The following DNAH12 variants were observed in gnomAD, a reference collection of about 807,000 sequenced individuals.
The protein encoded by DNAH12 is dynein axonemal heavy chain 12.
Under a neutral mutation model 371.5 loss-of-function variants are expected in DNAH12, and 285 were observed. The observed-to-expected ratio is 0.77, with a 90% CI of 0.70 to 0.85. DNAH12 has a LOEUF of 0.85. DNAH12 is among the 40% of genes least tolerant of loss of function. DNAH12 has a pLI of 0.00. For synonymous variants in DNAH12, 1,200 were observed against 1,213.0 expected (o/e 0.99, Z 0.22); for missense variants, 3,611 against 3,689.4 (o/e 0.98, Z 0.55).
Position 57,429,734 on chromosome 3 carries a change from TG to T in DNAH12, c.5020del (p.Gln1674LysfsTer2), listed in dbSNP as rs1194953257. 1 of 1,534,078 alleles carries T rather than the reference TG, an allele frequency of 6.5e-7. No individual in the cohort carries two copies. Among genetic ancestry groups the T allele is most frequent in the Non-Finnish European group, 8.8e-7 (1 of 1,140,982 alleles). On this transcript the variant is annotated frameshift_variant, in exon 33 of 74. Coordinates refer to ENST00000495027, the MANE Select transcript of DNAH12 (RefSeq NM_001366028.2). LOFTEE classifies it high-confidence loss of function. ...MSGEIIQMSP[Q>X]MSLIFETMDL... ...CATTGTTTCAAAGATGAGGCTCATT[TG>T]GGGGGACATCTGAATGATTTCTCCA... is the stretch of plus-strand genomic sequence containing the variant.
Position 57,405,634 on chromosome 3 carries a change from T to C in DNAH12, c.6576+19A>G. 1.3e-6 allele frequency: 2 copies of C among 1,545,310 alleles called. No individual in the cohort carries two copies. The highest frequency in any genetic ancestry group is 1.7e-6 in the Non-Finnish European group (2 of 1,143,226). On this transcript the variant is annotated intron_variant, in intron 41 of 73. Transcript: ENST00000495027. ...ATGGTACTGCTTTAACTCAATATGT[T>C]CTTAATCGCCATACTCACTGGTGCA...
At chr3:57,356,118 G>A (rs2062791095) in intron 59 of DNAH12, among the ~76,000 whole-genome samples, 2 of 152,128 alleles carry the variant, frequency 1.3e-5, no homozygotes, top group African/African-American at 2.4e-5. Context: ...CATTCATTAA[G>A]TGATTAAAGT....
chr3:57,478,621 G>C (rs537872813), intron 13 of DNAH12, among the ~76,000 whole-genome samples: 24 of 152,156 alleles, frequency 1.6e-4, no homozygotes, highest in African/African-American at 4.8e-4. Flanking sequence ...AAACGTAATT[G>C]TCAGATTCAC....
intron 37 of DNAH12, among the ~76,000 whole-genome samples, chr3:57,417,881 T>C (rs953409546): frequency 2.0e-5 from 3 of 152,194 alleles, no homozygotes; most frequent in Non-Finnish European, 2.9e-5. Flanking sequence ...CTGGGCACGG[T>C]GGCTCAAGCC....
chr3:57,352,090 A>C lies in DNAH12; in HGVS notation c.9669T>G (p.Leu3223=), dbSNP rs782247814. 1.3e-6 allele frequency: 2 copies of C among 1,507,060 alleles called. No individual in the cohort carries two copies. Among genetic ancestry groups the C allele is most frequent in the Non-Finnish European group, 1.8e-6 (2 of 1,134,988 alleles). The allele number at this position is 1,507,060 out of a possible 1,614,324, so 93.4% of individuals were successfully genotyped here. The change falls in exon 60 of 74, where the codon CTT becomes CTG. Residue 3223 remains leucine (L), a synonymous_variant. Transcript: ENST00000495027. ...GGTAAAAGCAAGTAACTTACAGAAG[A>C]AGATTGGCACATAATAAAAAGGAAA... ...LLFSFLLCAN[L]LLARKEIEYQ... is the part of the protein sequence containing the mutation.
chr3:57,535,938 G>A (rs1436919136), intron 2 of DNAH12, among the ~76,000 whole-genome samples: 1 of 151,582 alleles, frequency 6.6e-6, no homozygotes, highest in African/African-American at 2.4e-5. Flanking sequence ...CCGGGTTCAA[G>A]TGATTCTCCT....
At chr3:57,300,520 G>T (rs555341074) in intron 70 of DNAH12, among the ~76,000 whole-genome samples, 22 of 151,702 alleles carry the variant, frequency 1.5e-4, no homozygotes, top group Non-Finnish European at 2.8e-4. Context: ...GATATGAATT[G>T]ACAGTACACA....
At chr3:57,401,178 AAAAC>A (rs1307802836) in intron 43 of DNAH12, among the ~76,000 whole-genome samples, 25 of 152,246 alleles carry the variant, frequency 1.6e-4, no homozygotes, top group Middle Eastern at 3.4e-3. Flanking sequence ...AATTAAAACA[AAAAC>A]AAACAAACCA....
intron 61 of DNAH12, 60 bp downstream of exon 61, chr3:57,334,722 A>G (rs2062183860): frequency 6.6e-7 from 1 of 1,511,090 alleles, no homozygotes; most frequent in African/African-American, 1.4e-5. Flanking sequence ...AAATCACTAA[A>G]TTGAAGAACA....
chr3:57,294,008 G>C, intron 73 of DNAH12, 37 bp from the exon 74 acceptor site: 2 of 1,406,256 alleles, frequency 1.4e-6, no homozygotes, highest in South Asian at 1.7e-5. Context: ...ACTTGATAAA[G>C]GGAAAAACAG....
chr3:57,504,344 T>C (rs1383365171), intron 8 of DNAH12, 140 bp from the exon 9 acceptor site: 3 of 730,250 alleles, frequency 4.1e-6, no homozygotes, highest in East Asian at 5.5e-5. Context: ...AATTGAAAAT[T>C]ATCTTCATTC....
At chr3:57,444,995 A>G (rs1029292392) in intron 28 of DNAH12, among the ~76,000 whole-genome samples, 179 bp from the exon 29 acceptor site, 1 of 151,416 alleles carries the variant, frequency 6.6e-6, no homozygotes, top group African/African-American at 2.4e-5. Context: ...TTATCAAACT[A>G]AAAAGTCTTT....
At chr3:57,398,528 G>A (rs1253492094) in intron 43 of DNAH12, among the ~76,000 whole-genome samples, 1 of 152,122 alleles carries the variant, frequency 6.6e-6, no homozygotes, top group East Asian at 1.9e-4. Flanking sequence ...CAGATACAAA[G>A]AGAAAATCCT....
At chr3:57,313,469 A>T (rs62252049) in intron 66 of DNAH12, among the ~76,000 whole-genome samples, 35,132 of 152,030 alleles carry the variant, frequency 0.23, 4,353 homozygotes, top group African/African-American at 0.28. Context: ...CTGAACAACA[A>T]GGTAAAACCC....
chr3:57,330,555 G>C (rs2062070087), intron 62 of DNAH12, among the ~76,000 whole-genome samples: 1 of 122,152 alleles, frequency 8.2e-6, no homozygotes, highest in Non-Finnish European at 1.6e-5. Context: ...ACACTCTGGG[G>C]ACTGTTGTGG....
At position 57,376,206 on chromosome 3, in the gene DNAH12, G is replaced by A. The variant is rs1048977324; in HGVS notation, c.8466-241C>T. 4.0e-5 allele frequency among the ~76,000 whole-genome samples: 6 copies of A among 151,370 alleles called. No homozygotes were observed. The East Asian group carries it at 1.2e-3, about 29-fold the overall frequency. On this transcript the variant is annotated intron_variant, in intron 53 of 73. Coordinates refer to ENST00000495027, the MANE Select transcript of DNAH12 (RefSeq NM_001366028.2). ...ATATTAGACATTTCTTGCAGGACTT[G>A]GCCCTTCAGAAAAAGAAAAAAAAAA...
chr3:57,379,842 C>CAAAAAAAA (rs1170490495), intron 51 of DNAH12, among the ~76,000 whole-genome samples: 10 of 22,366 alleles, frequency 4.5e-4, no homozygotes, highest in East Asian at 1.5e-3. Flanking sequence ...CTCTGTCTCC[C>CAAAAAAAA]AAAAAAAAAA....
chr3:57,426,704 G>C (rs2064779893), intron 34 of DNAH12, among the ~76,000 whole-genome samples: 1 of 151,686 alleles, frequency 6.6e-6, no homozygotes, highest in Non-Finnish European at 1.5e-5. Context: ...AGGTGTTGTG[G>C]TGCACGCCTG....
At chr3:57,473,639 A>T (rs764416123) in intron 13 of DNAH12, among the ~76,000 whole-genome samples, 14 of 151,544 alleles carry the variant, frequency 9.2e-5, no homozygotes, top group South Asian at 2.1e-4. Flanking sequence ...TGAAATACAG[A>T]TTCAAAGGCA....
Sources: allele counts gnomAD v4.1 joint callset (sites outside exome capture counted in the v4.1 genomes callset), GRCh38; gene constraint gnomAD v4.1.1; transcripts MANE v1.5; gene names NCBI Gene and HGNC (gene_info 2026-07-23, HGNC 2026-07-21).